Variants in APBB2 observed in about 807,000 individuals in gnomAD.
APBB2 encodes Fe65-like 1.
A neutral mutation model predicts 82.5 loss-of-function variants in APBB2; 38 were observed. The observed-to-expected ratio is 0.46, with a 90% CI of 0.36 to 0.60. The LOEUF (loss-of-function observed/expected upper bound fraction) is 0.60. APBB2 is among the 20% of genes least tolerant of loss of function. The pLI, the probability that APBB2 is intolerant of heterozygous loss-of-function variation, is 0.00. For missense variants in APBB2, 772 were observed against 972.3 expected (o/e 0.79, Z 2.74); for synonymous variants, 341 against 368.2 (o/e 0.93, Z 0.85).
chr4:41,006,182 CA>C (rs539383274), intron 6 of APBB2, among the ~76,000 whole-genome samples: 3 of 152,204 alleles, frequency 2.0e-5, no homozygotes, highest in Non-Finnish European at 2.9e-5. Context: ...TTCTTAAGTT[CA>C]GGGGGGTAAA....
rs1311782842 is a variant in APBB2, at chr4:40,930,528, A to C, written c.1254+3928T>G. ...ATTTTGTGTTGCCATTGCTATTTAG[A>C]GGTTTCACTGAACAACTGATTAAGG... On this transcript the variant is annotated intron_variant, in intron 10 of 17. Transcript: ENST00000508593. Among the ~76,000 whole-genome samples, 4 of 150,698 alleles carry C rather than the reference A, an allele frequency of 2.7e-5. No homozygotes were observed. The South Asian group carries it at 8.3e-4, about 31-fold the overall frequency.
At chr4:40,872,857 G>A (rs1199248705) in intron 12 of APBB2, among the ~76,000 whole-genome samples, 3 of 151,660 alleles carry the variant, frequency 2.0e-5, no homozygotes, top group African/African-American at 2.4e-5. Flanking sequence ...AGGCTGAGGC[G>A]GGTGGATCAC....
rs138094448 is a variant in APBB2, at chr4:40,890,347, C to A, written c.1529+17G>T. The A allele has an allele frequency of 6.8e-6, 11 of 1,609,104 alleles. No individual in the cohort carries two copies. The highest frequency in any genetic ancestry group is 2.1e-4 in the Middle Eastern group (1 of 4,776). On this transcript the variant is annotated intron_variant, in intron 12 of 17. Transcript: ENST00000508593. ...ACACGGGTGAGGTGACCCAGACTGC[C>A]CCACCCAGGGACTCACCGGCCATTG...
chr4:41,054,953 G>A (rs1727334456), intron 4 of APBB2, among the ~76,000 whole-genome samples: 1 of 152,010 alleles, frequency 6.6e-6, no homozygotes, highest in Non-Finnish European at 1.5e-5. Flanking sequence ...TGCACCTACT[G>A]AACCTTCAGT....
At chr4:41,036,736 T>C (rs1257565668) in intron 4 of APBB2, among the ~76,000 whole-genome samples, 1 of 152,174 alleles carries the variant, frequency 6.6e-6, no homozygotes, top group Non-Finnish European at 1.5e-5. Context: ...TTTAGGTAGA[T>C]AAACATTTAT....
At chr4:41,179,838 A>C (rs1027401642) in intron 1 of APBB2, among the ~76,000 whole-genome samples, 17 of 152,378 alleles carry the variant, frequency 1.1e-4, no homozygotes, top group South Asian at 2.1e-4. Flanking sequence ...ACAAAGGGTT[A>C]ATAACACTAG....
intron 5 of APBB2, among the ~76,000 whole-genome samples, chr4:41,030,249 T>C (rs766063821): frequency 2.0e-5 from 3 of 152,146 alleles, no homozygotes; most frequent in Non-Finnish European, 4.4e-5. Flanking sequence ...GGGGGAAAGC[T>C]TGCCATTCCC....
chr4:41,158,341 T>A (rs1333743783), intron 1 of APBB2, among the ~76,000 whole-genome samples: 1 of 152,184 alleles, frequency 6.6e-6, no homozygotes, highest in Non-Finnish European at 1.5e-5. Flanking sequence ...AGAAAAGGAT[T>A]CCTATTTCTC....
At chr4:40,838,136 C>CTTTATTATT (rs1366424575) in intron 12 of APBB2, among the ~76,000 whole-genome samples, 3 of 142,196 alleles carry the variant, frequency 2.1e-5, no homozygotes, top group African/African-American at 7.8e-5. Flanking sequence ...TTCAAGTGGG[C>CTTTATTATT]ATTATTATTA....
chr4:40,938,683 G>C (rs6812296), intron 7 of APBB2, among the ~76,000 whole-genome samples: 129,597 of 151,902 alleles, frequency 0.85, 55,970 homozygotes, highest in Non-Finnish European at 0.92. Flanking sequence ...AAAATGCAAA[G>C]CAGGGGGCAA....
intron 1 of APBB2, among the ~76,000 whole-genome samples, chr4:41,162,112 A>G (rs1765317401): frequency 6.6e-6 from 1 of 152,196 alleles, no homozygotes; most frequent in Admixed American, 6.5e-5. Flanking sequence ...ACTCTAAAGC[A>G]TAACCACAAT....
At chr4:40,837,998 C>T (rs990727588) in intron 12 of APBB2, among the ~76,000 whole-genome samples, 1 of 151,856 alleles carries the variant, frequency 6.6e-6, no homozygotes, top group African/African-American at 2.4e-5. Flanking sequence ...TATCTGACAG[C>T]CTCAAATTTC....
In APBB2 at chr4:40,945,083, TG is replaced by T; in HGVS notation, c.836-11del. ...TCACTCCATATATCTGCTGAAAAAT[TG>T]GGGGGCGGGGCGGGGGGAGAAAGAG... On this transcript the variant is annotated splice_polypyrimidine_tract_variant and intron_variant, in intron 6 of 17. Coordinates refer to ENST00000508593, the MANE Select transcript of APBB2 (RefSeq NM_004307.2). 13 of 668,244 alleles carry T rather than the reference TG, an allele frequency of 1.9e-5. No individual in the cohort carries two copies. Among genetic ancestry groups the T allele is most frequent in the Non-Finnish European group, 2.3e-5 (11 of 468,716 alleles). The allele number at this position is 668,244 out of a possible 1,614,324, so 41.4% of individuals were successfully genotyped here.
intron 12 of APBB2, among the ~76,000 whole-genome samples, chr4:40,861,298 T>G (rs543843045): frequency 1.3e-5 from 2 of 151,624 alleles, no homozygotes; most frequent in East Asian, 3.9e-4. Context: ...TGCAGTGAGC[T>G]GAGATCACAC....
chr4:40,913,852 AT>A (rs1254416844), intron 10 of APBB2, among the ~76,000 whole-genome samples: 3 of 152,092 alleles, frequency 2.0e-5, no homozygotes, highest in Non-Finnish European at 4.4e-5. Flanking sequence ...GAGGTGCCTT[AT>A]GGAGAAATAC....
chr4:40,995,908 G>A lies in APBB2; in HGVS notation c.835+17675C>T, dbSNP rs193027773. Among the ~76,000 whole-genome samples, 31 of 152,116 alleles carry A rather than the reference G, an allele frequency of 2.0e-4. No individual in the cohort carries two copies. The East Asian group carries it at 4.8e-3, about 24-fold the overall frequency. Reference sequence around the variant, plus strand: ...TGGTGTTGAACTCCTGGCCTCAAGAGATCCTCCTGCCTAAGCCTCCCAACA... The same window carrying A: ...TGGTGTTGAACTCCTGGCCTCAAGAAATCCTCCTGCCTAAGCCTCCCAACA... On this transcript the variant is annotated intron_variant, in intron 6 of 17. Coordinates refer to ENST00000508593, the MANE Select transcript of APBB2 (RefSeq NM_004307.2).
chr4:40,820,998 A>G (rs1345472766), intron 17 of APBB2, among the ~76,000 whole-genome samples: 1 of 151,998 alleles, frequency 6.6e-6, no homozygotes, highest in Non-Finnish European at 1.5e-5. Context: ...CCTCCCGAGT[A>G]GCTGGGATTA....
intron 1 of APBB2, among the ~76,000 whole-genome samples, chr4:41,158,022 C>T (rs1377405085): frequency 1.3e-5 from 2 of 152,000 alleles, no homozygotes; most frequent in Admixed American, 6.6e-5. Flanking sequence ...AACAAAAGAG[C>T]CACGGACTCC....
At chr4:41,042,549 G>C (rs1298682374) in intron 4 of APBB2, among the ~76,000 whole-genome samples, 1 of 152,160 alleles carries the variant, frequency 6.6e-6, no homozygotes, top group Non-Finnish European at 1.5e-5. Context: ...CAGAAGCTCA[G>C]AATGTATGGA....
Sources: gnomAD v4.1 joint callset for allele counts (sites outside exome capture counted in the v4.1 genomes callset) on GRCh38, gnomAD v4.1.1 for gene constraint, MANE v1.5 for transcripts, NCBI Gene and HGNC (gene_info 2026-07-23, HGNC 2026-07-21) for gene names.